SDC2: variants seen among roughly 807,000 people sequenced by gnomAD.
SDC2 encodes syndecan 2.
Under a neutral mutation model 22.2 loss-of-function variants are expected in SDC2, and 13 were observed. The ratio of observed to expected loss-of-function variants is 0.59; its 90% CI spans 0.38 to 0.93. SDC2 has a LOEUF of 0.93. Among genes scored for constraint, SDC2 ranks in the 40% least tolerant of loss-of-function variants. The pLI is 0.00. For missense variants in SDC2, 235 were observed against 246.8 expected, an observed-to-expected ratio of 0.95 and a Z score of 0.32; for synonymous variants, 94 against 92.8, an observed-to-expected ratio of 1.01 and a Z score of -0.07.
chr8:96,557,501 C>T (rs1393000921), intron 1 of SDC2, among the ~76,000 whole-genome samples: 2 of 149,544 alleles, frequency 1.3e-5, no homozygotes, highest in African/African-American at 4.9e-5. Flanking sequence ...TGGAAATCAT[C>T]ATTCTCAGTA....
At chr8:96,600,862 C>T (rs1814969779) in intron 2 of SDC2, among the ~76,000 whole-genome samples, 1 of 152,078 alleles carries the variant, frequency 6.6e-6, no homozygotes, top group Non-Finnish European at 1.5e-5. Context: ...GGATATGTGA[C>T]TTTGAGAGGG....
At chr8:96,603,008 A>G (rs1341740458) in intron 3 of SDC2, among the ~76,000 whole-genome samples, 2 of 152,168 alleles carry the variant, frequency 1.3e-5, no homozygotes, top group Admixed American at 1.3e-4. Context: ...ACCTCTCTCG[A>G]TGATGATGAA....
intron 1 of SDC2, among the ~76,000 whole-genome samples, chr8:96,539,735 C>T (rs1276871951): frequency 1.3e-5 from 2 of 152,270 alleles, no homozygotes; most frequent in South Asian, 2.1e-4. Context: ...CAGTCTACTC[C>T]GTTTTTTTCA....
intron 1 of SDC2, among the ~76,000 whole-genome samples, chr8:96,553,450 G>GT (rs35596871): frequency 4.3e-4 from 64 of 147,448 alleles, no homozygotes; most frequent in South Asian, 1.1e-3. Context: ...AAAATTACAG[G>GT]TTTTTTTTTT....
chr8:96,577,743 C>T (rs1317286225), intron 1 of SDC2, among the ~76,000 whole-genome samples: 2 of 152,198 alleles, frequency 1.3e-5, no homozygotes, highest in Admixed American at 1.3e-4. Flanking sequence ...TTTGCCCACC[C>T]CCTCTTCCCC....
rs566606595 is a variant in SDC2 at position 96,565,966 on chromosome 8, T to C, written c.61-27514T>C. ...GAGAAGACCTGGGCTTGAGTCTTGC[T>C]TCTTTCCTGCCCTGTACACCACGTA... On this transcript the variant is annotated intron_variant, in intron 1 of 4. Transcript: ENST00000302190. Among the ~76,000 whole-genome samples, 13 of 152,216 alleles carry C rather than the reference T, an allele frequency of 8.5e-5. No homozygotes were observed. The East Asian group carries it at 2.5e-3, about 29-fold the overall frequency.
chr8:96,599,396 A>G (rs1315627361), intron 2 of SDC2, among the ~76,000 whole-genome samples: 3 of 152,152 alleles, frequency 2.0e-5, no homozygotes, highest in Non-Finnish European at 4.4e-5. Flanking sequence ...GAAATTTTTC[A>G]TTTCTCATTG....
At chr8:96,557,539 AC>A (rs1814136771) in intron 1 of SDC2, among the ~76,000 whole-genome samples, 1 of 143,010 alleles carries the variant, frequency 7.0e-6, no homozygotes, top group African/African-American at 2.6e-5. Flanking sequence ...AAAACCAAAC[AC>A]CGCATATTCT....
At chr8:96,574,934 C>G (rs1586308559) in intron 1 of SDC2, among the ~76,000 whole-genome samples, 1 of 152,122 alleles carries the variant, frequency 6.6e-6, no homozygotes, top group Admixed American at 6.5e-5. Context: ...AAGCGCAGTA[C>G]ATTTATCATT....
rs867258373 is a variant in SDC2 at position 96,521,173 on chromosome 8, G to T, written c.60+26842G>T. On this transcript the variant is annotated intron_variant, in intron 1 of 4. Coordinates refer to ENST00000302190, the MANE Select transcript of SDC2 (RefSeq NM_002998.4). Reference sequence around the variant, plus strand: ...ATTTTCACATTCGTATAAATAATATGTTGTGTATTTTTGAAAACTGCGCTG... The same window carrying T: ...ATTTTCACATTCGTATAAATAATATTTTGTGTATTTTTGAAAACTGCGCTG... Among the ~76,000 whole-genome samples, 4 of 152,112 alleles carry T rather than the reference G, an allele frequency of 2.6e-5. No individual in the cohort carries two copies. In the South Asian group the frequency reaches 8.3e-4, roughly 31 times the overall value.
intron 1 of SDC2, among the ~76,000 whole-genome samples, chr8:96,528,676 C>A (rs533649101): frequency 1.3e-5 from 2 of 152,038 alleles, no homozygotes; most frequent in East Asian, 1.9e-4. Flanking sequence ...TTTTAAACAA[C>A]CTTTTAGTCT....
intron 1 of SDC2, among the ~76,000 whole-genome samples, chr8:96,557,635 G>A (rs962627035): frequency 6.6e-6 from 1 of 151,946 alleles, no homozygotes; most frequent in African/African-American, 2.4e-5. Flanking sequence ...TGGGGTGGGG[G>A]GAGTGGGGAG....
At chr8:96,580,367 T>A (rs1164915121) in intron 1 of SDC2, 2 of 985,292 alleles carry the variant, frequency 2.0e-6, no homozygotes, top group Non-Finnish European at 2.4e-6. Context: ...TCCAGAGCAT[T>A]TGCCAAAGCC....
chr8:96,569,892 G>A (rs1814362792), intron 1 of SDC2, among the ~76,000 whole-genome samples: 1 of 152,246 alleles, frequency 6.6e-6, no homozygotes, highest in South Asian at 2.1e-4. Flanking sequence ...GCCCGGAGGT[G>A]TGAGCACATG....
chr8:96,553,503 T>G (rs2130543104), intron 1 of SDC2, among the ~76,000 whole-genome samples: 2 of 152,128 alleles, frequency 1.3e-5, no homozygotes, highest in South Asian at 4.1e-4. Flanking sequence ...CTTTAATATC[T>G]TCCTCTTAGG....
At chr8:96,529,482 A>G (rs888959754) in intron 1 of SDC2, among the ~76,000 whole-genome samples, 5 of 152,244 alleles carry the variant, frequency 3.3e-5, no homozygotes, top group Admixed American at 1.3e-4. Context: ...CTCCATGAGT[A>G]CGAGTGACGG....
chr8:96,546,458 C>T (rs968893563), intron 1 of SDC2, among the ~76,000 whole-genome samples: 1 of 152,030 alleles, frequency 6.6e-6, no homozygotes, highest in African/African-American at 2.4e-5. Context: ...GAAAAAGAAA[C>T]AATAGCTTGA....
At chr8:96,562,592 G>T (rs914584104) in intron 1 of SDC2, among the ~76,000 whole-genome samples, 1 of 152,150 alleles carries the variant, frequency 6.6e-6, no homozygotes, top group Non-Finnish European at 1.5e-5. Flanking sequence ...TCTTGTGCAG[G>T]CTTCTTGTTC....
At chr8:96,602,620 T>G in intron 3 of SDC2, 92 bp downstream of exon 3, 1 of 1,428,406 alleles carries the variant, frequency 7.0e-7, no homozygotes, top group East Asian at 2.3e-5. Flanking sequence ...TGTATTATTT[T>G]CTTCTTTTTG....
Sources: allele counts gnomAD v4.1 joint callset (sites outside exome capture counted in the v4.1 genomes callset), GRCh38; gene constraint gnomAD v4.1.1; transcripts MANE v1.5; gene names NCBI Gene and HGNC (gene_info 2026-07-23, HGNC 2026-07-21).